PTPRD: variants seen among roughly 807,000 people sequenced by gnomAD.
PTPRD encodes receptor-type tyrosine-protein phosphatase delta.
In PTPRD, 34 loss-of-function variants were observed where a neutral mutation model predicts 214.5. The observed-to-expected ratio is 0.16, with a 90% confidence interval of 0.12 to 0.21. PTPRD has a LOEUF of 0.21. Ranked by LOEUF, PTPRD falls within the 10% of genes least tolerant of loss-of-function variation. The pLI, the probability that PTPRD is intolerant of heterozygous loss-of-function variation, is 1.00. For synonymous variants in PTPRD, 1,128 were observed against 845.7 expected (o/e 1.33, Z -5.79); for missense variants, 2,545 against 2,398.7 (o/e 1.06, Z -1.27).
At chr9:10,046,822 T>A (rs960500303) in intron 3 of PTPRD, among the ~76,000 whole-genome samples, 12 of 151,982 alleles carry the variant, frequency 7.9e-5, no homozygotes, top group African/African-American at 2.7e-4. Context: ...GGCAAATGCC[T>A]TCCTTGTTTA....
intron 2 of PTPRD, among the ~76,000 whole-genome samples, chr9:10,442,348 T>C (rs1252048015): frequency 6.6e-6 from 1 of 151,704 alleles, no homozygotes; most frequent in African/African-American, 2.4e-5. Context: ...TAGTAGCACT[T>C]GCTAATTTAC....
At chr9:10,611,084 A>C (rs1233346924) in intron 2 of PTPRD, among the ~76,000 whole-genome samples, 1 of 152,210 alleles carries the variant, frequency 6.6e-6, no homozygotes, top group Non-Finnish European at 1.5e-5. Context: ...CTCTGAGATA[A>C]GTACTTTTAC....
At chr9:10,507,340 G>C (rs2046347711) in intron 2 of PTPRD, among the ~76,000 whole-genome samples, 1 of 151,998 alleles carries the variant, frequency 6.6e-6, no homozygotes, top group South Asian at 2.1e-4. Flanking sequence ...TCATGGATAG[G>C]AAGAATCAAT....
intron 3 of PTPRD, among the ~76,000 whole-genome samples, chr9:10,297,267 C>G (rs935938688): frequency 1.3e-5 from 2 of 151,610 alleles, no homozygotes; most frequent in African/African-American, 4.8e-5. Flanking sequence ...ATTTGTGGCA[C>G]CATCTATAAC....
chr9:10,061,130 T>C (rs774362896), intron 3 of PTPRD, among the ~76,000 whole-genome samples: 3 of 151,812 alleles, frequency 2.0e-5, no homozygotes, highest in Non-Finnish European at 4.4e-5. Flanking sequence ...ATATTCCTTT[T>C]GATTTAAATA....
rs575474221 is a variant in PTPRD at position 8,382,933 on chromosome 9, A to G, written c.4387-6207T>C. On this transcript the variant is annotated intron_variant, in intron 37 of 45. Transcript: ENST00000381196. Reference sequence around the variant, plus strand: ...ATTTGGAAAAGGACACAAACCTGGCATTTGGAAAGCATTTGCTCTCCATTA... The same window carrying G: ...ATTTGGAAAAGGACACAAACCTGGCGTTTGGAAAGCATTTGCTCTCCATTA... Among the ~76,000 whole-genome samples, 33 of 152,338 alleles carry G rather than the reference A, an allele frequency of 2.2e-4. 1 individual carries two copies. In the South Asian group the frequency reaches 6.4e-3, roughly 30 times the overall value.
intron 8 of PTPRD, among the ~76,000 whole-genome samples, chr9:9,455,240 G>T (rs2092818690): frequency 6.6e-6 from 1 of 151,530 alleles, no homozygotes; most frequent in East Asian, 1.9e-4. Flanking sequence ...ATTGAGAGAT[G>T]TAGATGGGAA....
intron 10 of PTPRD, among the ~76,000 whole-genome samples, chr9:9,076,560 T>C (rs182420914): frequency 6.6e-6 from 1 of 152,230 alleles, no homozygotes; most frequent in Non-Finnish European, 1.5e-5. Flanking sequence ...TGTTCGTCTT[T>C]CTGTGCCTGC....
intron 3 of PTPRD, among the ~76,000 whole-genome samples, chr9:10,302,715 T>G (rs190143949): frequency 6.6e-6 from 1 of 152,204 alleles, no homozygotes; most frequent in South Asian, 2.1e-4. Context: ...AAGAGCTAAC[T>G]GTCCCAAATA....
At chr9:10,331,479 G>GT (rs928623695) in intron 3 of PTPRD, among the ~76,000 whole-genome samples, 10 of 151,894 alleles carry the variant, frequency 6.6e-5, no homozygotes, top group East Asian at 3.9e-4. Context: ...CTGATTCACA[G>GT]TTTTTTTGTG....
chr9:10,433,011 A>G (rs896736004), intron 2 of PTPRD, among the ~76,000 whole-genome samples: 16 of 151,908 alleles, frequency 1.1e-4, no homozygotes, highest in African/African-American at 3.6e-4. Context: ...TGTTACTAAT[A>G]TAGCTCCTCC....
intron 27 of PTPRD, among the ~76,000 whole-genome samples, chr9:8,489,858 C>A (rs894534567): frequency 2.6e-5 from 4 of 152,102 alleles, no homozygotes; most frequent in African/African-American, 9.7e-5. Context: ...AAACATTTAC[C>A]AACAATTCAC....
At chr9:10,202,720 T>A (rs140957004) in intron 3 of PTPRD, among the ~76,000 whole-genome samples, 20 of 138,526 alleles carry the variant, frequency 1.4e-4, no homozygotes, top group African/African-American at 5.4e-4. Flanking sequence ...ATAGTTAATA[T>A]GTGTTAATTA....
intron 8 of PTPRD, among the ~76,000 whole-genome samples, chr9:9,557,880 T>C (rs2081928599): frequency 6.6e-6 from 1 of 152,170 alleles, no homozygotes; most frequent in Non-Finnish European, 1.5e-5. Context: ...CAGGTGAATA[T>C]GGTTTTATTC....
At chr9:9,522,058 G>A (rs181826635) in intron 8 of PTPRD, among the ~76,000 whole-genome samples, 2 of 151,024 alleles carry the variant, frequency 1.3e-5, no homozygotes, top group East Asian at 3.9e-4. Flanking sequence ...TCGGGAGGCT[G>A]AGGCAGGAGA....
intron 8 of PTPRD, among the ~76,000 whole-genome samples, chr9:9,531,162 T>C (rs2075375295): frequency 6.6e-6 from 1 of 152,144 alleles, no homozygotes; most frequent in African/African-American, 2.4e-5. Context: ...TGTGTAAATA[T>C]GTAAATTACA....
chr9:10,144,128 G>C (rs546503061), intron 3 of PTPRD, among the ~76,000 whole-genome samples: 1 of 152,052 alleles, frequency 6.6e-6, no homozygotes, highest in East Asian at 1.9e-4. Flanking sequence ...AAAATAAATA[G>C]AGAATAAATG....
chr9:8,458,137 G>A (rs533824588), intron 33 of PTPRD, among the ~76,000 whole-genome samples: 10 of 152,120 alleles, frequency 6.6e-5, no homozygotes, highest in Admixed American at 6.6e-4. Context: ...TGCATTAGAC[G>A]ATGCTTACAT....
intron 2 of PTPRD, among the ~76,000 whole-genome samples, chr9:10,608,689 T>A (rs2080135756): frequency 6.6e-6 from 1 of 152,116 alleles, no homozygotes; most frequent in African/African-American, 2.4e-5. Context: ...GGGTCACACT[T>A]CCAATTGTAG....
Sources: gnomAD v4.1 joint callset for allele counts (sites outside exome capture counted in the v4.1 genomes callset) on GRCh38, gnomAD v4.1.1 for gene constraint, MANE v1.5 for transcripts, NCBI Gene and HGNC (gene_info 2026-07-23, HGNC 2026-07-21) for gene names.